The following USP43 variants were observed in gnomAD, a reference collection of about 807,000 sequenced individuals.
USP43 encodes ubiquitin carboxyl-terminal hydrolase 43.
In USP43, 33 loss-of-function variants were observed where a neutral mutation model predicts 90.7. The observed-to-expected ratio is 0.36, with a 90% CI of 0.28 to 0.49. USP43 has a LOEUF of 0.49. Ranked by LOEUF, USP43 falls within the 20% of genes least tolerant of loss-of-function variation. The probability of loss-of-function intolerance (pLI) is 0.98; values close to 1 mark genes in which losing one functional copy is unlikely to be tolerated. For missense variants in USP43, 1,274 were observed against 1,476.4 expected, an observed-to-expected ratio of 0.86 and a Z score of 2.25; for synonymous variants, 598 against 615.8, an observed-to-expected ratio of 0.97 and a Z score of 0.43.
intron 1 of USP43, among the ~76,000 whole-genome samples, chr17:9,653,759 C>T (rs747420999): frequency 5.3e-5 from 8 of 152,050 alleles, no homozygotes; most frequent in Admixed American, 3.9e-4. Context: ...GAGTAAGGAA[C>T]GATTTGGAGT....
chr17:9,645,943 A>G lies in USP43; in HGVS notation c.311A>G (p.Lys104Arg). ...GARPPGAQGL[K>R]NHGNTCFMNA... ...CGGCCGCCGGGCGCTCAGGGCTTGA[A>G]GAACCACGGCAACACCTGTTTCATG... The change falls in exon 1 of 15, where the codon AAG becomes AGG. Residue 104 changes from lysine (K) to arginine (R), a missense_variant. Around this residue, in one of 6 missense-constraint regions of USP43, gnomAD observed 259 missense variants for 373.7 expected, o/e 0.69. Transcript: ENST00000285199. This position sits in a 1 kb window ranked among gnomAD's most constrained non-coding sequence, Gnocchi z 6.8. 3 of 1,480,812 alleles carry G rather than the reference A, an allele frequency of 2.0e-6. No homozygotes were observed. In the South Asian group the frequency reaches 4.0e-5, roughly 20 times the overall value. The allele number at this position is 1,480,812 out of a possible 1,614,324, so 91.7% of individuals were successfully genotyped here.
intron 2 of USP43, among the ~76,000 whole-genome samples, chr17:9,663,685 G>A (rs773138977): frequency 6.6e-6 from 1 of 152,046 alleles, no homozygotes; most frequent in African/African-American, 2.4e-5. Context: ...GTGCAGTGTC[G>A]CAATCTCGGC....
chr17:9,713,967 A>G (rs623661), intron 14 of USP43, among the ~76,000 whole-genome samples: 31,221 of 151,924 alleles, frequency 0.21, 4,833 homozygotes, highest in African/African-American at 0.43. Flanking sequence ...CACACACTTG[A>G]GGTGAGGATG....
chr17:9,652,585 TCTC>T (rs1911950548), intron 1 of USP43, among the ~76,000 whole-genome samples: 1 of 152,066 alleles, frequency 6.6e-6, no homozygotes, highest in Non-Finnish European at 1.5e-5. Context: ...ATGGGTTCAA[TCTC>T]CTGACCTCGT....
Position 9,693,248 on chromosome 17 carries a change from G to T in USP43, c.1457+18G>T, listed in dbSNP as rs775268871. ...GTTGACAGGTAAGGGGGAAGGTCCA[G>T]GTTCAGTCAGCTAATGAACCCTTTC... On this transcript the variant is annotated intron_variant, in intron 9 of 14. Transcript: ENST00000285199. The T allele has an allele frequency of 8.1e-6, 13 of 1,595,302 alleles. No homozygotes were observed. In the East Asian group the frequency reaches 2.7e-4, roughly 33 times the overall value.
chr17:9,707,283 C>T (rs1293617151), intron 12 of USP43, among the ~76,000 whole-genome samples: 1 of 152,074 alleles, frequency 6.6e-6, no homozygotes, highest in East Asian at 1.9e-4. Context: ...TTTCATGAGT[C>T]GATAATTAAA....
intron 12 of USP43, among the ~76,000 whole-genome samples, chr17:9,706,080 T>C (rs1363116335): frequency 2.0e-5 from 3 of 152,206 alleles, no homozygotes; most frequent in African/African-American, 7.2e-5. Flanking sequence ...GTTGAATATT[T>C]AGGTTCTTAA....
At chr17:9,715,651 C>G (rs555737652) in intron 14 of USP43, among the ~76,000 whole-genome samples, 1 of 129,674 alleles carries the variant, frequency 7.7e-6, no homozygotes, top group South Asian at 2.5e-4. Context: ...GTGTGTGTGT[C>G]TCTATGTGTA....
At chr17:9,665,899 G>C (rs536165967) in intron 2 of USP43, among the ~76,000 whole-genome samples, 9 of 152,314 alleles carry the variant, frequency 5.9e-5, no homozygotes, top group Admixed American at 2.6e-4. Context: ...AGAGTTGAAA[G>C]AGTCAAGGAA....
chr17:9,722,148 A>T (rs1397764974), intron 14 of USP43, among the ~76,000 whole-genome samples: 1 of 151,922 alleles, frequency 6.6e-6, no homozygotes, highest in East Asian at 1.9e-4. Context: ...CTCTTTTATA[A>T]ATTGTGCTTT....
chr17:9,678,617 G>A (rs1913950124), intron 5 of USP43, among the ~76,000 whole-genome samples: 1 of 151,998 alleles, frequency 6.6e-6, no homozygotes, highest in Non-Finnish European at 1.5e-5. Flanking sequence ...TGGGATTACA[G>A]GCGTGAGCCA....
chr17:9,721,021 T>C (rs1300968127), intron 14 of USP43, among the ~76,000 whole-genome samples: 2 of 152,188 alleles, frequency 1.3e-5, no homozygotes, highest in Non-Finnish European at 2.9e-5. Context: ...TAAACCAAAA[T>C]GAACGGATCC....
At chr17:9,687,893 C>T (rs577427559) in intron 8 of USP43, among the ~76,000 whole-genome samples, 2 of 152,242 alleles carry the variant, frequency 1.3e-5, no homozygotes, top group African/African-American at 4.8e-5. Flanking sequence ...AGAAACTCCT[C>T]TGCAAGTAGG....
At chr17:9,710,385 A>G (rs1158080700) in intron 13 of USP43, among the ~76,000 whole-genome samples, 1 of 151,658 alleles carries the variant, frequency 6.6e-6, no homozygotes, top group African/African-American at 2.4e-5. Flanking sequence ...CCATATTCCT[A>G]GTCTCACTCA....
Position 9,645,604 on chromosome 17 carries a change from C to T in USP43, c.-29C>T. On this transcript the variant is annotated 5_prime_UTR_variant, in exon 1 of 15. Coordinates refer to ENST00000285199, the MANE Select transcript of USP43 (RefSeq NM_153210.5). This position sits in a 1 kb window ranked among gnomAD's most constrained non-coding sequence, Gnocchi z 6.8. ...CTCGTCCGCCTCGCGCCCGGGGGCT[C>T]CGCGCCTGGAGCTGCGCCGGCGGCA... The T allele has an allele frequency of 1.1e-5, 13 of 1,186,550 alleles. No individual in the cohort carries two copies. The highest frequency in any genetic ancestry group is 1.4e-5 in the Non-Finnish European group (13 of 959,252). The allele number at this position is 1,186,550 out of a possible 1,614,324, so 73.5% of individuals were successfully genotyped here. A position where few individuals can be genotyped will look rare whatever the true frequency, so the allele number is the denominator to read the frequency against.
At position 9,689,837 on chromosome 17, in the gene USP43, C is replaced by T. The variant is rs564050848; in HGVS notation, c.1353+2928C>T. ...CGTAATGATGGCTGACTTTTGCTGTCCAAACAACAAGGCTCCATTAGGGGC... is the reference window on the plus strand; with the variant it reads ...CGTAATGATGGCTGACTTTTGCTGTTCAAACAACAAGGCTCCATTAGGGGC... On this transcript the variant is annotated intron_variant, in intron 8 of 14. Transcript: ENST00000285199. 5.9e-5 allele frequency among the ~76,000 whole-genome samples: 9 copies of T among 152,270 alleles called. No homozygotes were observed. The East Asian group carries it at 1.7e-3, about 29-fold the overall frequency.
chr17:9,683,454 G>A (rs1914420779), intron 7 of USP43, among the ~76,000 whole-genome samples: 1 of 151,850 alleles, frequency 6.6e-6, no homozygotes, highest in East Asian at 1.9e-4. Context: ...TGGATAAAAT[G>A]TTTCTAAAAA....
intron 2 of USP43, among the ~76,000 whole-genome samples, chr17:9,658,901 A>G (rs1912446122): frequency 6.6e-6 from 1 of 152,172 alleles, no homozygotes; most frequent in Non-Finnish European, 1.5e-5. Flanking sequence ...GCCTTCTGCA[A>G]TGCTCATGTA....
At chr17:9,660,101 C>CA (rs1426515141) in intron 2 of USP43, among the ~76,000 whole-genome samples, 1 of 152,156 alleles carries the variant, frequency 6.6e-6, no homozygotes, top group Non-Finnish European at 1.5e-5. Flanking sequence ...GCACCACCCC[C>CA]AGACCTTTCT....
Sources: gnomAD v4.1 joint callset for allele counts (sites outside exome capture counted in the v4.1 genomes callset) on GRCh38, gnomAD v4.1.1 for gene constraint, gnomAD v4.1.1 regional missense constraint, Gnocchi (gnomAD v3.1) non-coding constraint, MANE v1.5 for transcripts, NCBI Gene and HGNC (gene_info 2026-07-23, HGNC 2026-07-21) for gene names.